The following ITGA4 variants were observed in gnomAD, a reference collection of about 807,000 sequenced individuals.
ITGA4 encodes the protein integrin alpha-4.
ITGA4 carries 63 observed loss-of-function variants against 133.6 expected under a neutral mutation model. The observed-to-expected ratio is 0.47, with a 90% CI of 0.38 to 0.58. The LOEUF (loss-of-function observed/expected upper bound fraction) is 0.58. Among genes scored for constraint, ITGA4 ranks in the 20% least tolerant of loss-of-function variants. The probability of loss-of-function intolerance (pLI) is 0.00; values close to 1 mark genes in which losing one functional copy is unlikely to be tolerated. For synonymous variants in ITGA4, 483 were observed against 438.0 expected, an observed-to-expected ratio of 1.10 and a Z score of -1.28; for missense variants, 1,076 against 1,252.7, an observed-to-expected ratio of 0.86 and a Z score of 2.13.
Position 181,523,107 on chromosome 2 carries a change from G to A in ITGA4, c.2074-330G>A, listed in dbSNP as rs1686752725. Reference sequence around the variant, plus strand: ...ATATCAAGATAAATGAAAGCTACAAGTCCAGAATTTTTTTTTTGTGGAGAA... The same window carrying A: ...ATATCAAGATAAATGAAAGCTACAAATCCAGAATTTTTTTTTTGTGGAGAA... On this transcript the variant is annotated intron_variant, in intron 18 of 27. Transcript: ENST00000397033. This position sits in a 1 kb window ranked among gnomAD's most constrained non-coding sequence, Gnocchi z 4.2. 2.0e-5 allele frequency among the ~76,000 whole-genome samples: 3 copies of A among 151,844 alleles called. No homozygotes were observed. The South Asian group carries it at 6.2e-4, about 32-fold the overall frequency.
chr2:181,516,730 G>A lies in ITGA4; in HGVS notation c.1922+4955G>A, dbSNP rs1686614104. 6.6e-6 allele frequency among the ~76,000 whole-genome samples: 1 copy of A among 151,964 alleles called. No homozygotes were observed. On this transcript the variant is annotated intron_variant, in intron 17 of 27. Transcript: ENST00000397033. The surrounding 1 kb of genome is among the most constrained non-coding windows in gnomAD (Gnocchi z 4.0). ...GAGGTCTGTCTTCTGAAATATTAAG[G>A]GAATGCTGCCTGTCACCTGAATAAT...
chr2:181,534,534 C>A (rs1687014441), intron 26 of ITGA4, among the ~76,000 whole-genome samples, 164 bp downstream of exon 26: 1 of 152,060 alleles, frequency 6.6e-6, no homozygotes, highest in African/African-American at 2.4e-5. Context: ...CCACAACTGG[C>A]AGGAGGGAAC....
At chr2:181,511,564 A>T (rs1358054538) in intron 16 of ITGA4, 135 bp from the exon 17 acceptor site, 2 of 552,626 alleles carry the variant, frequency 3.6e-6, no homozygotes, top group Non-Finnish European at 6.4e-6. Flanking sequence ...TTTAAAAGAG[A>T]TAAAATAAAG....
At position 181,485,998 on chromosome 2, in the gene ITGA4, T is replaced by A; in HGVS notation, c.1153+6T>A. 6.4e-7 allele frequency: 1 copy of A among 1,573,442 alleles called. No individual in the cohort carries two copies. The highest frequency in any genetic ancestry group is 2.3e-5 in the East Asian group (1 of 43,136). ...TGACAATGATGGCTTTGAAGGTAAT[T>A]AAAATTATCAAATTGGTACTTGATT... is the stretch of plus-strand genomic sequence containing the variant. On this transcript the variant is annotated splice_donor_region_variant and intron_variant, in intron 10 of 27. Coordinates refer to ENST00000397033, the MANE Select transcript of ITGA4 (RefSeq NM_000885.6).
At chr2:181,481,507 C>G in intron 6 of ITGA4, 91 bp from the exon 7 acceptor site, 2 of 516,320 alleles carry the variant, frequency 3.9e-6, no homozygotes, top group East Asian at 3.3e-5. Flanking sequence ...ATTTTGAATT[C>G]GGTATCATTT....
intron 10 of ITGA4, chr2:181,486,293 C>T (rs528529152): frequency 4.2e-6 from 1 of 239,832 alleles, no homozygotes; most frequent in Non-Finnish European, 7.9e-6. Context: ...TAAGCTGTTA[C>T]ACCCACCATT....
At chr2:181,457,377 G>A (rs201064184), upstream of ITGA4, 15 of 386,310 alleles carry the variant, frequency 3.9e-5, no homozygotes, top group South Asian at 2.1e-4. Context: ...CCAGCGGCCC[G>A]TACCCGGAGA....
Position 181,523,248 on chromosome 2 carries a change from A to T in ITGA4, c.2074-189A>T. The T allele has an allele frequency of 2.0e-6, 1 of 490,188 alleles. No individual in the cohort carries two copies. Among genetic ancestry groups the T allele is most frequent in the South Asian group, 2.2e-5 (1 of 44,630 alleles). 30.4% of individuals were successfully genotyped at this position (490,188 alleles called of 1,614,324 possible). A position where few individuals can be genotyped will look rare whatever the true frequency, so the allele number is the denominator to read the frequency against. ...TATACATACATATATATACACATAC[A>T]TATATACACACATGCACACATATTT... On this transcript the variant is annotated intron_variant, in intron 18 of 27. Coordinates refer to ENST00000397033, the MANE Select transcript of ITGA4 (RefSeq NM_000885.6). This position sits in a 1 kb window ranked among gnomAD's most constrained non-coding sequence, Gnocchi z 4.2.
intron 11 of ITGA4, among the ~76,000 whole-genome samples, chr2:181,494,155 A>C (rs155120): frequency 0.98 from 148,788 of 152,278 alleles, 72,796 homozygotes; most frequent in Middle Eastern, 1. Flanking sequence ...GATATGTGGA[A>C]TAGAAAGTAC....
intron 10 of ITGA4, among the ~76,000 whole-genome samples, chr2:181,488,192 C>T (rs1490294667): frequency 6.6e-6 from 1 of 152,110 alleles, no homozygotes; most frequent in Non-Finnish European, 1.5e-5. Flanking sequence ...TACTCTATAC[C>T]TGGGAAAAGC....
intron 2 of ITGA4, chr2:181,459,378 ACTT>A (rs1184855630): frequency 1.3e-5 from 2 of 152,178 alleles, no homozygotes; most frequent in African/African-American, 4.8e-5. Flanking sequence ...TAAAATTGGT[ACTT>A]CTTTATATTT....
At chr2:181,460,566 A>AATATGTGTGTGTGTGTGT (rs79689303) in intron 2 of ITGA4, among the ~76,000 whole-genome samples, 59 of 148,070 alleles carry the variant, frequency 4.0e-4, no homozygotes, top group African/African-American at 1.4e-3. Flanking sequence ...TCTGTAGAAG[A>AATATGTGTGTGTGTGTGT]GTGTGTGTGT....
chr2:181,537,827 G>T lies in ITGA4; in HGVS notation c.*2300G>T, dbSNP rs904029656. 1 of 481,242 alleles carries T rather than the reference G, an allele frequency of 2.1e-6. No homozygotes were observed. Among genetic ancestry groups the T allele is most frequent in the African/African-American group, 2.0e-5 (1 of 51,252 alleles). The allele number at this position is 481,242 out of a possible 1,614,324, so 29.8% of individuals were successfully genotyped here. On this transcript the variant is annotated 3_prime_UTR_variant, in exon 28 of 28. Coordinates refer to ENST00000397033, the MANE Select transcript of ITGA4 (RefSeq NM_000885.6). ...TTAAAGCCCTAGAGGCTAATTGTTA[G>T]TAACATCAATTTCTATTAGGATATC...
At chr2:181,512,361 C>A (rs936453808) in intron 17 of ITGA4, among the ~76,000 whole-genome samples, 2 of 151,930 alleles carry the variant, frequency 1.3e-5, no homozygotes, top group Non-Finnish European at 2.9e-5. Context: ...TAATCTGGGG[C>A]ATGTTGAATT....
intron 17 of ITGA4, among the ~76,000 whole-genome samples, chr2:181,513,803 T>C (rs1367591370): frequency 6.6e-6 from 1 of 152,162 alleles, no homozygotes; most frequent in East Asian, 1.9e-4. Flanking sequence ...CTTTTATTTA[T>C]CTTTTAAATC....
chr2:181,459,270 C>T (rs1685208995), intron 2 of ITGA4: 1 of 151,450 alleles, frequency 6.6e-6, no homozygotes, highest in South Asian at 2.1e-4. Context: ...AAAGTCTAAG[C>T]CATTTTCTTC....
chr2:181,490,797 A>C (rs977810335), intron 10 of ITGA4, among the ~76,000 whole-genome samples: 17 of 152,166 alleles, frequency 1.1e-4, no homozygotes, highest in Non-Finnish European at 2.4e-4. Context: ...ACTTGGGTAA[A>C]TCTGCACAAA....
chr2:181,474,103 T>G (rs1685619326), intron 2 of ITGA4, among the ~76,000 whole-genome samples: 1 of 152,140 alleles, frequency 6.6e-6, no homozygotes, highest in Admixed American at 6.5e-5. Flanking sequence ...AAAAAGAATA[T>G]TAGGATACTG....
chr2:181,506,805 CA>C (rs1310487548), intron 15 of ITGA4, among the ~76,000 whole-genome samples: 1 of 151,918 alleles, frequency 6.6e-6, no homozygotes, highest in African/African-American at 2.4e-5. Flanking sequence ...TGCTTTGGGG[CA>C]GTAATGTTTA....
Sources: gnomAD v4.1 joint callset for allele counts (sites outside exome capture counted in the v4.1 genomes callset) on GRCh38, gnomAD v4.1.1 for gene constraint, Gnocchi (gnomAD v3.1) non-coding constraint, MANE v1.5 for transcripts, NCBI Gene and HGNC (gene_info 2026-07-23, HGNC 2026-07-21) for gene names.